Variants in RDH12 observed in about 807,000 individuals in gnomAD.
RDH12 encodes the protein all-trans and 9-cis retinol dehydrogenase.
A neutral mutation model predicts 34.0 loss-of-function variants in RDH12; 21 were observed. The observed-to-expected ratio is 0.62, with a 90% CI of 0.44 to 0.89. The LOEUF (loss-of-function observed/expected upper bound fraction) is 0.89, where lower values mean the gene tolerates loss of function less well. RDH12 is among the 40% of genes least tolerant of loss of function. The pLI, the probability that RDH12 is intolerant of heterozygous loss-of-function variation, is 0.00. For synonymous variants in RDH12, 198 were observed against 169.9 expected, an observed-to-expected ratio of 1.17 and a Z score of -1.29; for missense variants, 394 against 398.6, an observed-to-expected ratio of 0.99 and a Z score of 0.10.
chr14:67,726,745 G>C (rs2038190961), intron 6 of RDH12, among the ~76,000 whole-genome samples: 1 of 152,108 alleles, frequency 6.6e-6, no homozygotes, highest in South Asian at 2.1e-4. Flanking sequence ...GTGGGTCAAG[G>C]GCAGAGGTAC....
intron 1 of RDH12, among the ~76,000 whole-genome samples, chr14:67,712,183 G>A (rs942527729): frequency 2.6e-5 from 4 of 152,076 alleles, no homozygotes; most frequent in Admixed American, 1.3e-4. Context: ...ACCTCCCAAA[G>A]TGTTGGGATT....
intron 1 of RDH12, among the ~76,000 whole-genome samples, chr14:67,715,917 C>CG (rs1285412556): frequency 2.0e-5 from 3 of 152,076 alleles, no homozygotes; most frequent in Non-Finnish European, 4.4e-5. Context: ...GCCTAGAGGC[C>CG]GGGGGCAGTG....
intron 1 of RDH12, among the ~76,000 whole-genome samples, chr14:67,708,806 T>C (rs995016503): frequency 2.0e-5 from 3 of 151,488 alleles, no homozygotes; most frequent in Non-Finnish European, 4.4e-5. Context: ...TTTTTTTTTT[T>C]TTTTTGAGAG....
At chr14:67,729,134 G>A (rs1345183353) in intron 7 of RDH12, 57 bp from the exon 8 acceptor site, 2 of 1,552,990 alleles carry the variant, frequency 1.3e-6, no homozygotes, top group Non-Finnish European at 1.8e-6. Context: ...CAGGAGATAA[G>A]CTGTTTTCCT....
At chr14:67,709,782 G>A (rs1483332164) in intron 1 of RDH12, among the ~76,000 whole-genome samples, 4 of 152,054 alleles carry the variant, frequency 2.6e-5, no homozygotes, top group Admixed American at 2.0e-4. Flanking sequence ...TTTAGACCAA[G>A]GCATCAAAGC....
At position 67,702,696 on chromosome 14, in the gene RDH12, C is replaced by T. The variant is rs140979841; in HGVS notation, c.-275+761C>T. Reference sequence around the variant, plus strand: ...TTGGGCTTACTAATTTATGAGTGCTCATTTATCTATAAGTCAATTGGGTAT... The same window carrying T: ...TTGGGCTTACTAATTTATGAGTGCTTATTTATCTATAAGTCAATTGGGTAT... On this transcript the variant is annotated intron_variant, in intron 1 of 8. Coordinates refer to ENST00000551171, the MANE Select transcript of RDH12 (RefSeq NM_152443.3). Among the ~76,000 whole-genome samples, 118 of 152,258 alleles carry T rather than the reference C, an allele frequency of 7.7e-4. 2 individuals are homozygous for T. Among genetic ancestry groups the T allele is most frequent in the Middle Eastern group, 3.4e-3 (1 of 294 alleles).
At position 67,733,931 on chromosome 14, in the gene RDH12, T is replaced by C. The variant is rs971123790; in HGVS notation, c.*83T>C. 4.0e-5 allele frequency: 42 copies of C among 1,040,884 alleles called. No individual in the cohort carries two copies. Among genetic ancestry groups the C allele is most frequent in the Middle Eastern group, 4.4e-4 (2 of 4,512 alleles). The allele number at this position is 1,040,884 out of a possible 1,614,324, so 64.5% of individuals were successfully genotyped here. Reference sequence around the variant, plus strand: ...AAGGAGAAGGCCAACCCTAAAGGATTGTCCTCTTGGCCAGCTGGTGCTGCG... The same window carrying C: ...AAGGAGAAGGCCAACCCTAAAGGATCGTCCTCTTGGCCAGCTGGTGCTGCG... On this transcript the variant is annotated 3_prime_UTR_variant, in exon 9 of 9. Coordinates refer to ENST00000551171, the MANE Select transcript of RDH12 (RefSeq NM_152443.3).
chr14:67,703,308 C>T (rs1354127448), intron 1 of RDH12, among the ~76,000 whole-genome samples: 4 of 152,112 alleles, frequency 2.6e-5, no homozygotes, highest in African/African-American at 7.2e-5. Context: ...TAAGGTAGTT[C>T]GATGGCAGTT....
intron 1 of RDH12, among the ~76,000 whole-genome samples, chr14:67,707,615 G>A (rs1174625882): frequency 5.9e-5 from 9 of 152,166 alleles, no homozygotes; most frequent in Admixed American, 2.6e-4. Context: ...TTTTAGTAGA[G>A]ATGGGATTTC....
At chr14:67,705,509 G>C (rs1309329590) in intron 1 of RDH12, among the ~76,000 whole-genome samples, 1 of 152,212 alleles carries the variant, frequency 6.6e-6, no homozygotes, top group African/African-American at 2.4e-5. Context: ...ACTGCCAAAC[G>C]TGACCTGTAG....
chr14:67,712,808 C>A (rs2038024179), intron 1 of RDH12, among the ~76,000 whole-genome samples: 1 of 152,078 alleles, frequency 6.6e-6, no homozygotes, highest in Admixed American at 6.6e-5. Context: ...GAGGTGACAG[C>A]CATTGCTTTC....
chr14:67,710,592 C>CA (rs981969492), intron 1 of RDH12, among the ~76,000 whole-genome samples: 10 of 151,756 alleles, frequency 6.6e-5, no homozygotes, highest in East Asian at 1.9e-4. Flanking sequence ...AGCTTTCTTA[C>CA]AAAAAAAATC....
chr14:67,719,482 T>C (rs1218942094), intron 1 of RDH12, among the ~76,000 whole-genome samples: 1 of 152,174 alleles, frequency 6.6e-6, no homozygotes, highest in Non-Finnish European at 1.5e-5. Context: ...TTTTTTCTTT[T>C]CTTTTTTTTA....
rs2038107683 is a variant in RDH12, at chr14:67,720,173, G to A, written c.-274-675G>A. On this transcript the variant is annotated intron_variant, in intron 1 of 8. Coordinates refer to ENST00000551171, the MANE Select transcript of RDH12 (RefSeq NM_152443.3). ...TAATTTTAATTTGCATCTCTCATAT[G>A]AGTGAGGGTGAAGAGCCACTTGTAT... Among the ~76,000 whole-genome samples the A allele has an allele frequency of 5.3e-5, 8 of 152,202 alleles. No homozygotes were observed. The South Asian group carries it at 1.7e-3, about 32-fold the overall frequency.
chr14:67,702,053 A>G (rs190654317), intron 1 of RDH12, 118 bp downstream of exon 1: 1 of 152,202 alleles, frequency 6.6e-6, no homozygotes, highest in Non-Finnish European at 1.5e-5. Context: ...CTGATCTCAA[A>G]TGATCCACCT....
intron 3 of RDH12, 114 bp from the exon 4 acceptor site, chr14:67,724,359 A>G (rs1851978331): frequency 6.0e-6 from 5 of 829,592 alleles, no homozygotes; most frequent in Non-Finnish European, 1.0e-5. Flanking sequence ...CCTGACTGCA[A>G]CTTAAAGATA....
chr14:67,727,535 T>C, intron 7 of RDH12: 1 of 326,088 alleles, frequency 3.1e-6, no homozygotes, highest in Non-Finnish European at 5.9e-6. Flanking sequence ...CAGGCTGGAG[T>C]GCAGTAGTGC....
In RDH12 at chr14:67,725,090, T is replaced by C. The variant is rs1030267494; in HGVS notation, c.188-9T>C. 3 of 1,614,090 alleles carry C rather than the reference T, an allele frequency of 1.9e-6. No homozygotes were observed. The highest frequency in any genetic ancestry group is 2.5e-6 in the Non-Finnish European group (3 of 1,180,040). On this transcript the variant is annotated splice_polypyrimidine_tract_variant and intron_variant, in intron 4 of 8. Transcript: ENST00000551171. ...TGAACATACTGCTCTTTTTTTGTCTTGGACCCAGGAGCCCGAGTCTATATT... is the reference window on the plus strand; with the variant it reads ...TGAACATACTGCTCTTTTTTTGTCTCGGACCCAGGAGCCCGAGTCTATATT...
At chr14:67,724,758 C>T (rs2038165476) in intron 4 of RDH12, among the ~76,000 whole-genome samples, 167 bp downstream of exon 4, 2 of 152,156 alleles carry the variant, frequency 1.3e-5, no homozygotes, top group African/African-American at 4.8e-5. Flanking sequence ...TACACTGTGG[C>T]CTCCAATAAA....
Sources: allele counts gnomAD v4.1 joint callset (sites outside exome capture counted in the v4.1 genomes callset), GRCh38; gene constraint gnomAD v4.1.1; transcripts MANE v1.5; gene names NCBI Gene and HGNC (gene_info 2026-07-23, HGNC 2026-07-21).